Variants in RIPOR2 observed in about 807,000 individuals in gnomAD.
The protein encoded by RIPOR2 is RHO family interacting cell polarization regulator 2.
RIPOR2 carries 39 observed loss-of-function variants against 114.5 expected under a neutral mutation model. The observed-to-expected ratio is 0.34, with a 90% CI of 0.26 to 0.44. The LOEUF (loss-of-function observed/expected upper bound fraction) is 0.44, where lower values mean the gene tolerates loss of function less well. Ranked by LOEUF, RIPOR2 falls within the 20% of genes least tolerant of loss-of-function variation. The probability of loss-of-function intolerance (pLI) is 1.00; values close to 1 mark genes in which losing one functional copy is unlikely to be tolerated. For missense variants in RIPOR2, 1,007 were observed against 1,255.1 expected (o/e 0.80, Z 2.99); for synonymous variants, 445 against 484.4 (o/e 0.92, Z 1.07).
Position 24,830,669 on chromosome 6 carries a change from G to A in RIPOR2, c.2346C>T (p.Ala782=), listed in dbSNP as rs555102469. The A allele has an allele frequency of 4.5e-6, 7 of 1,549,126 alleles. No individual in the cohort carries two copies. The South Asian group carries it at 8.4e-5, about 19-fold the overall frequency. The change falls in exon 17 of 22, where the codon GCC becomes GCT. Residue 782 remains alanine, a splice_region_variant and synonymous_variant. Coordinates refer to ENST00000643898, the MANE Select transcript of RIPOR2 (RefSeq NM_001286445.3). ...ACAGCTTTTTGTGAAATTCTGGTATGGCTGGAAAAGAAGAGCAACCCCCCA... is the reference window on the plus strand; with the variant it reads ...ACAGCTTTTTGTGAAATTCTGGTATAGCTGGAAAAGAAGAGCAACCCCCCA... ...NIGNISSVVE[A]IPEFHKKLSL...
chr6:24,837,893 T>C (rs192815666), intron 14 of RIPOR2, among the ~76,000 whole-genome samples: 39 of 152,224 alleles, frequency 2.6e-4, no homozygotes, highest in Non-Finnish European at 4.3e-4. Context: ...TTTGTGAAGG[T>C]TGAAATCATA....
At chr6:24,831,061 G>A (rs1312328034) in intron 16 of RIPOR2, among the ~76,000 whole-genome samples, 1 of 152,108 alleles carries the variant, frequency 6.6e-6, no homozygotes, top group Non-Finnish European at 1.5e-5. Flanking sequence ...GGGAAAGGGT[G>A]TGTATGTGGG....
intron 1 of RIPOR2, among the ~76,000 whole-genome samples, chr6:25,030,774 C>G (rs575464426): frequency 6.6e-6 from 1 of 151,330 alleles, no homozygotes; most frequent in African/African-American, 2.4e-5. Flanking sequence ...TCTCGGTTCA[C>G]TGCAACCTCT....
chr6:24,928,684 G>A (rs2114138415), intron 1 of RIPOR2, among the ~76,000 whole-genome samples: 1 of 152,292 alleles, frequency 6.6e-6, no homozygotes, highest in Admixed American at 6.5e-5. Flanking sequence ...GAGAAAAGTA[G>A]CACCATAACC....
intron 1 of RIPOR2, among the ~76,000 whole-genome samples, chr6:25,033,934 T>G (rs1169901032): frequency 6.6e-6 from 1 of 152,178 alleles, no homozygotes; most frequent in East Asian, 1.9e-4. Flanking sequence ...GATTAATTCT[T>G]TTCTTTTTCT....
intron 1 of RIPOR2, among the ~76,000 whole-genome samples, chr6:24,995,987 A>G (rs868307731): frequency 4.1e-4 from 63 of 152,180 alleles, no homozygotes; most frequent in African/African-American, 1.3e-3. Context: ...TATTTTTAGT[A>G]GAGACGAGGT....
intron 1 of RIPOR2, chr6:25,015,634 C>T (rs1295600445): frequency 1.3e-5 from 2 of 152,070 alleles, no homozygotes; most frequent in African/African-American, 4.8e-5. Context: ...CTTTTCAAAC[C>T]CTGTTTACTA....
chr6:24,872,353 G>A (rs1438053648), intron 4 of RIPOR2, among the ~76,000 whole-genome samples: 1 of 152,060 alleles, frequency 6.6e-6, no homozygotes, highest in African/African-American at 2.4e-5. Context: ...AAAAGTTCTA[G>A]ATTCCAAATT....
Position 24,810,961 on chromosome 6 carries a change from C to T in RIPOR2, c.2953-1154G>A, listed in dbSNP as rs545759428. Among the ~76,000 whole-genome samples, 59 of 149,952 alleles carry T rather than the reference C, an allele frequency of 3.9e-4. No individual in the cohort carries two copies. In the South Asian group the frequency reaches 0.01, roughly 26 times the overall value. On this transcript the variant is annotated intron_variant, in intron 20 of 21. Coordinates refer to ENST00000643898, the MANE Select transcript of RIPOR2 (RefSeq NM_001286445.3). ...CTGGGATTACAGGTGTGCGCCACCA[C>T]GCCTGGCTAATTTTTGTGTTTTCAG...
chr6:24,962,239 C>T (rs1436664185), intron 1 of RIPOR2, among the ~76,000 whole-genome samples: 2 of 152,122 alleles, frequency 1.3e-5, no homozygotes, highest in East Asian at 1.9e-4. Flanking sequence ...AGATTCTTTT[C>T]GATTTACTGC....
exon 1 of RIPOR2, chr6:25,041,924 C>T: frequency 1.4e-6 from 1 of 702,818 alleles, no homozygotes; most frequent in Non-Finnish European, 2.6e-6. Context: ...AAGGTAACAC[C>T]ATGGTCCCAA....
In RIPOR2 at chr6:24,883,280, C is replaced by T. The variant is rs192568747; in HGVS notation, c.62-7463G>A. Among the ~76,000 whole-genome samples, 15 of 152,274 alleles carry T rather than the reference C, an allele frequency of 9.9e-5. No individual in the cohort carries two copies. The East Asian group carries it at 2.5e-3, about 25-fold the overall frequency. On this transcript the variant is annotated intron_variant, in intron 1 of 21. Coordinates refer to ENST00000643898, the MANE Select transcript of RIPOR2 (RefSeq NM_001286445.3). The surrounding 1 kb of genome is among the most constrained non-coding windows in gnomAD (Gnocchi z 4.1). ...CAAGGCATTTCTCATGGGGGCCAAACGTCAACTTGGAAACCAATAGTTGTC... is the reference window on the plus strand; with the variant it reads ...CAAGGCATTTCTCATGGGGGCCAAATGTCAACTTGGAAACCAATAGTTGTC...
At chr6:25,023,634 C>T in intron 1 of RIPOR2, 1 of 763,146 alleles carries the variant, frequency 1.3e-6, no homozygotes, top group Admixed American at 1.7e-5. Context: ...AGGATGGTGC[C>T]TGCTGGGGTC....
intron 1 of RIPOR2, among the ~76,000 whole-genome samples, chr6:25,012,042 C>T (rs1295110274): frequency 6.6e-6 from 1 of 152,040 alleles, no homozygotes; most frequent in Non-Finnish European, 1.5e-5. Context: ...AATAAAAAGA[C>T]AAATAACCAA....
At chr6:24,890,802 A>G (rs1767277916) in intron 1 of RIPOR2, among the ~76,000 whole-genome samples, 1 of 151,716 alleles carries the variant, frequency 6.6e-6, no homozygotes, top group Non-Finnish European at 1.5e-5. Flanking sequence ...CTACAGGCAC[A>G]TGCCACCACT....
intron 1 of RIPOR2, among the ~76,000 whole-genome samples, chr6:24,957,248 T>C (rs1049353760): frequency 6.6e-6 from 1 of 152,208 alleles, no homozygotes; most frequent in African/African-American, 2.4e-5. Flanking sequence ...ACACTTAAGT[T>C]GTACTTACAA....
chr6:24,873,870 T>A lies in RIPOR2; in HGVS notation c.189-71A>T, dbSNP rs1765453317. 2.7e-5 allele frequency: 35 copies of A among 1,290,958 alleles called. No homozygotes were observed. The South Asian group carries it at 4.1e-4, about 15-fold the overall frequency. 80.0% of individuals were successfully genotyped at this position (1,290,958 alleles called of 1,614,324 possible). A position where few individuals can be genotyped will look rare whatever the true frequency, so the allele number is the denominator to read the frequency against. Reference sequence around the variant, plus strand: ...GATTTGACCAAAGAAAAATGTCTTCTATTATTTACTTGTTTGTTTTAGAGA... The same window carrying A: ...GATTTGACCAAAGAAAAATGTCTTCAATTATTTACTTGTTTGTTTTAGAGA... On this transcript the variant is annotated intron_variant, in intron 2 of 21. Transcript: ENST00000643898.
chr6:24,989,205 A>T (rs1055226992), intron 1 of RIPOR2, among the ~76,000 whole-genome samples: 1 of 152,054 alleles, frequency 6.6e-6, no homozygotes, highest in African/African-American at 2.4e-5. Flanking sequence ...CTTCATTTTC[A>T]TGGATATAAT....
At chr6:24,857,425 C>T (rs775761843) in intron 8 of RIPOR2, among the ~76,000 whole-genome samples, 1 of 152,096 alleles carries the variant, frequency 6.6e-6, no homozygotes, top group Non-Finnish European at 1.5e-5. Context: ...TGTTTCACGG[C>T]GCTCACATAT....
Sources: allele counts gnomAD v4.1 joint callset (sites outside exome capture counted in the v4.1 genomes callset), GRCh38; gene constraint gnomAD v4.1.1; non-coding constraint Gnocchi (gnomAD v3.1); transcripts MANE v1.5; gene names NCBI Gene and HGNC (gene_info 2026-07-23, HGNC 2026-07-21).